The following P2RX6 variants were observed in gnomAD, a reference collection of about 807,000 sequenced individuals.
P2RX6 encodes the protein purinergic receptor P2X 6, also known as P2X purinoceptor 6.
Under a neutral mutation model 54.2 loss-of-function variants are expected in P2RX6, and 62 were observed. The observed-to-expected ratio is 1.14, with a 90% CI of 0.93 to 1.41. The LOEUF (loss-of-function observed/expected upper bound fraction) is 1.41, where lower values mean the gene tolerates loss of function less well. P2RX6 is among the 40% of genes most tolerant of loss of function. The pLI, the probability that P2RX6 is intolerant of heterozygous loss-of-function variation, is 0.00. For synonymous variants in P2RX6, 211 were observed against 231.9 expected, an observed-to-expected ratio of 0.91 and a Z score of 0.82; for missense variants, 541 against 566.3, an observed-to-expected ratio of 0.96 and a Z score of 0.45.
chr22:21,025,692 C>G (rs1928307414), intron 8 of P2RX6, 113 bp from the exon 9 acceptor site: 18 of 736,674 alleles, frequency 2.4e-5, no homozygotes, highest in Middle Eastern at 2.4e-4. Flanking sequence ...AGGACTCAGG[C>G]TTGGGCTGGG....
chr22:21,011,485 C>T, upstream of P2RX6: 1 of 711,552 alleles, frequency 1.4e-6, no homozygotes, highest in Non-Finnish European at 2.6e-6. Context: ...CTCCTCCAGG[C>T]CATTCCCTGA....
rs1327408678 is a variant in P2RX6 at position 21,026,516 on chromosome 22, C to T, written c.1225C>T (p.Pro409Ser). 1.3e-6 allele frequency: 2 copies of T among 1,592,708 alleles called. No individual in the cohort carries two copies. Among genetic ancestry groups the T allele is most frequent in the African/African-American group, 1.3e-5 (1 of 74,360 alleles). Residue 409 changes from proline (P) to serine (S), a missense_variant, in exon 12 of 12, where the codon CCT becomes TCT. Transcript: ENST00000413302. This position sits in a 1 kb window ranked among gnomAD's most constrained non-coding sequence, Gnocchi z 4.0. ...CGAGTGCCTCAGACGGAGCTCAGCA[C>T]CTGCACCCACGGCCACTGCTGCTGG... The part of the protein sequence containing the change: ...LAECLRRSSA[P>S]APTATAAGSQ...
At chr22:21,018,371 A>ATAC in intron 3 of P2RX6, 5 of 393,488 alleles carry the variant, frequency 1.3e-5, no homozygotes, top group South Asian at 4.3e-5. Flanking sequence ...AGTTCCCATG[A>ATAC]GGTGTCCAGG....
intron 3 of P2RX6, 120 bp downstream of exon 3, chr22:21,018,180 C>A: frequency 1.4e-6 from 1 of 710,656 alleles, no homozygotes; most frequent in African/African-American, 1.8e-5. Context: ...CTCGGTGTCC[C>A]CCAGGCACTG....
In P2RX6 at chr22:21,022,965, G is replaced by T. The variant is rs888810007; in HGVS notation, c.487G>T (p.Val163Leu). 6.2e-7 allele frequency: 1 copy of T among 1,613,708 alleles called. No individual in the cohort carries two copies. Among genetic ancestry groups the T allele is most frequent in the East Asian group, 2.2e-5 (1 of 44,890 alleles). ...AGGTGTAAAAACAGGCCAGTGTGTG[G>T]TGTTCAATGGGACCCACAGGACCTG... ...SHGVKTGQCV[V>L]FNGTHRTCEI... The change falls in exon 5 of 12, where the codon GTG becomes TTG. Residue 163 changes from valine to leucine, a missense_variant. Physicochemically the swap from Val to Leu is conservative, Grantham distance 32 (BLOSUM62 1). Around this residue, in one of 2 missense-constraint regions of P2RX6, gnomAD observed 526 missense variants for 531.5 expected, o/e 0.99. Transcript: ENST00000413302.
chr22:21,025,399 A>G (rs999334111), intron 8 of P2RX6, among the ~76,000 whole-genome samples: 20 of 151,896 alleles, frequency 1.3e-4, no homozygotes, highest in African/African-American at 4.8e-4. Context: ...GCTCCCACCC[A>G]CATCCTGTTC....
intron 4 of P2RX6, 83 bp from the exon 5 acceptor site, chr22:21,022,859 C>T: frequency 6.7e-7 from 1 of 1,500,484 alleles, no homozygotes; most frequent in Non-Finnish European, 9.2e-7. Flanking sequence ...CTGCATCTCT[C>T]TTTCTGCCAA....
chr22:21,022,608 T>C, intron 3 of P2RX6, 68 bp from the exon 4 acceptor site: 1 of 1,266,476 alleles, frequency 7.9e-7, no homozygotes, highest in Non-Finnish European at 1.1e-6. Context: ...CCTCCCTGCC[T>C]TTGAGACTGG....
chr22:21,010,405 C>A (rs909337778), upstream of P2RX6: 1 of 152,144 alleles, frequency 6.6e-6, no homozygotes, highest in Non-Finnish European at 1.5e-5. Flanking sequence ...TTTTAGAAGA[C>A]AAACTGCTTC....
rs149009665 is a variant in P2RX6, at chr22:21,027,634, G to A, written c.*1017G>A. ...CTCAGGCTGGCCAGGTTTTGCAGCTGGAATTCTCCTCTTGGTCCCAGGGCG... is the reference window on the plus strand; with the variant it reads ...CTCAGGCTGGCCAGGTTTTGCAGCTAGAATTCTCCTCTTGGTCCCAGGGCG... On this transcript the variant is annotated 3_prime_UTR_variant, in exon 12 of 12. Coordinates refer to ENST00000413302, the MANE Select transcript of P2RX6 (RefSeq NM_005446.5). 8.7e-4 allele frequency: 133 copies of A among 152,338 alleles called. No homozygotes were observed. Among genetic ancestry groups the A allele is most frequent in the African/African-American group, 3.0e-3 (124 of 41,454 alleles). 9.4% of individuals were successfully genotyped at this position (152,338 alleles called of 1,614,324 possible).
chr22:21,011,314 G>A, upstream of P2RX6: 1 of 588,236 alleles, frequency 1.7e-6, no homozygotes. Context: ...GCGCGGTCCT[G>A]CCAACCCCCA....
chr22:21,015,311 A>G lies in P2RX6; in HGVS notation c.137A>G (p.Gln46Arg), dbSNP rs142868854. The change falls in exon 1 of 12, where the codon CAG becomes CGG. Residue 46 changes from glutamine to arginine, a missense_variant. Gln to Arg is a conservative substitution (Grantham distance 43). This residue lies in a region of P2RX6 where 526 missense variants were observed against 531.5 expected (regional missense o/e 0.99). Transcript: ENST00000413302. ...WRVGALQRLLQFGIVVYVVGW... is the reference protein window; with the variant it reads ...WRVGALQRLLRFGIVVYVVGW... ...GTGGGCGCCCTGCAGAGGCTGCTGC[A>G]GTTTGGGATCGTGGTCTATGTGGTA... 1.7e-5 allele frequency: 27 copies of G among 1,561,998 alleles called. No homozygotes were observed. Among genetic ancestry groups the G allele is most frequent in the Non-Finnish European group, 2.3e-5 (27 of 1,161,100 alleles).
intron 7 of P2RX6, 41 bp downstream of exon 7, chr22:21,023,457 G>A: frequency 1.2e-6 from 2 of 1,613,914 alleles, no homozygotes; most frequent in Non-Finnish European, 8.5e-7. Context: ...GAGGGCTCTG[G>A]GAGAGGGTCC....
chr22:21,017,601 G>C (rs1926611216), intron 2 of P2RX6, among the ~76,000 whole-genome samples: 1 of 152,222 alleles, frequency 6.6e-6, no homozygotes, highest in South Asian at 2.1e-4. Flanking sequence ...TGTAGTCCCA[G>C]CTACTTGGGA....
Position 21,022,727 on chromosome 22 carries a change from G to C in P2RX6, c.439G>C (p.Gly147Arg). 6.3e-7 allele frequency: 1 copy of C among 1,578,548 alleles called. No homozygotes were observed. The highest frequency in any genetic ancestry group is 1.2e-5 in the South Asian group (1 of 84,872). ...NCWVDEDCPE[G>R]EGGTHSHGVK... Reference sequence around the variant, plus strand: ...CTGGGTCGACGAGGACTGCCCCGAAGGGGAGGGAGGCACACACAGCCACGG... The same window carrying C: ...CTGGGTCGACGAGGACTGCCCCGAACGGGAGGGAGGCACACACAGCCACGG... Residue 147 changes from glycine (G) to arginine (R), a missense_variant, in exon 4 of 12, where the codon GGG becomes CGG. Around this residue, in one of 2 missense-constraint regions of P2RX6, gnomAD observed 526 missense variants for 531.5 expected, o/e 0.99. Coordinates refer to ENST00000413302, the MANE Select transcript of P2RX6 (RefSeq NM_005446.5).
At chr22:21,020,708 C>T (rs1401751134) in intron 3 of P2RX6, among the ~76,000 whole-genome samples, 1 of 151,460 alleles carries the variant, frequency 6.6e-6, no homozygotes, top group African/African-American at 2.4e-5. Context: ...TCTCCTGCCT[C>T]AGCCTCCCAA....
chr22:21,019,636 G>A (rs981897151), intron 3 of P2RX6, among the ~76,000 whole-genome samples: 5 of 152,214 alleles, frequency 3.3e-5, no homozygotes, highest in South Asian at 2.1e-4. Context: ...TGAACCCAGC[G>A]GTGCTAAAGG....
intron 2 of P2RX6, among the ~76,000 whole-genome samples, chr22:21,017,079 G>A (rs780303930): frequency 6.6e-6 from 1 of 152,040 alleles, no homozygotes; most frequent in Non-Finnish European, 1.5e-5. Context: ...CCATGCATGA[G>A]ACTATGGCCT....
At position 21,026,874 on chromosome 22, in the gene P2RX6, C is replaced by A; in HGVS notation, c.*257C>A. The A allele has an allele frequency of 1.6e-6, 1 of 636,466 alleles. No homozygotes were observed. Among genetic ancestry groups the A allele is most frequent in the Non-Finnish European group, 2.6e-6 (1 of 388,738 alleles). The allele number at this position is 636,466 out of a possible 1,614,324, so 39.4% of individuals were successfully genotyped here. A position where few individuals can be genotyped will look rare whatever the true frequency, so the allele number is the denominator to read the frequency against. On this transcript the variant is annotated 3_prime_UTR_variant, in exon 12 of 12. Transcript: ENST00000413302. This position sits in a 1 kb window ranked among gnomAD's most constrained non-coding sequence, Gnocchi z 4.0. The stretch of plus-strand genomic sequence containing the variant: ...AGCAGGCACCTGTATTGCAGGGCTC[C>A]GACTGCATGTGGCAGGGGCTCCTGC...
Sources: gnomAD v4.1 joint callset for allele counts (sites outside exome capture counted in the v4.1 genomes callset) on GRCh38, gnomAD v4.1.1 for gene constraint, gnomAD v4.1.1 regional missense constraint, Gnocchi (gnomAD v3.1) non-coding constraint, MANE v1.5 for transcripts, NCBI Gene and HGNC (gene_info 2026-07-23, HGNC 2026-07-21) for gene names.